Variants in EDDM13 observed in about 807,000 individuals in gnomAD.
EDDM13 encodes epididymal protein 13.
EDDM13 carries 24 observed loss-of-function variants against 17.8 expected under a neutral mutation model. The observed-to-expected ratio is 1.35, with a 90% CI of 0.98 to 1.90. EDDM13 has a LOEUF of 1.90. Among genes scored for constraint, EDDM13 ranks in the 40% most tolerant of loss-of-function variants. EDDM13 has a pLI of 0.00. For synonymous variants in EDDM13, 31 were observed against 37.5 expected (o/e 0.83, Z 0.63); for missense variants, 97 against 100.8 (o/e 0.96, Z 0.16).
chr19:56,301,029 G>A (rs904302252), intron 12 of EDDM13, among the ~76,000 whole-genome samples: 3 of 152,154 alleles, frequency 2.0e-5, no homozygotes, highest in African/African-American at 7.2e-5. Flanking sequence ...AGCAGAGCCT[G>A]AAGCCTGGGG....
At chr19:56,309,439 A>C (rs905972393) in intron 14 of EDDM13, among the ~76,000 whole-genome samples, 5 of 152,200 alleles carry the variant, frequency 3.3e-5, no homozygotes, top group Admixed American at 1.3e-4. Flanking sequence ...AAATGGTTAA[A>C]ATGGTGAATT....
At chr19:56,300,338 T>C (rs947845859) in intron 12 of EDDM13, among the ~76,000 whole-genome samples, 1 of 152,228 alleles carries the variant, frequency 6.6e-6, no homozygotes. Flanking sequence ...ACAGCTCTAT[T>C]TGCTGTACAT....
intron 14 of EDDM13, among the ~76,000 whole-genome samples, chr19:56,307,571 CT>C (rs1376065815): frequency 6.6e-6 from 1 of 152,144 alleles, no homozygotes. Context: ...TCTTACGTTA[CT>C]CTCTTTTACC....
chr19:56,281,155 T>G (rs2038667772), intron 2 of EDDM13, among the ~76,000 whole-genome samples: 1 of 152,166 alleles, frequency 6.6e-6, no homozygotes, highest in African/African-American at 2.4e-5. Flanking sequence ...GAAAATATGT[T>G]TACTCTTCAT....
intron 12 of EDDM13, among the ~76,000 whole-genome samples, chr19:56,300,208 C>T (rs766948060): frequency 1.1e-4 from 17 of 151,814 alleles, no homozygotes; most frequent in Non-Finnish European, 1.8e-4. Flanking sequence ...ACATGATATG[C>T]GAAGAGACTG....
chr19:56,288,032 T>G (rs952136428), intron 6 of EDDM13, among the ~76,000 whole-genome samples: 12 of 152,184 alleles, frequency 7.9e-5, no homozygotes, highest in Non-Finnish European at 1.5e-4. Context: ...ATGAGGAGAC[T>G]GAGGCACAAG....
intron 1 of EDDM13, among the ~76,000 whole-genome samples, chr19:56,274,113 A>G (rs530894226): frequency 6.6e-6 from 1 of 152,266 alleles, no homozygotes; most frequent in African/African-American, 2.4e-5. Context: ...TTATACATAC[A>G]TGTATTTGCA....
At chr19:56,280,912 A>C (rs2038645026) in intron 2 of EDDM13, among the ~76,000 whole-genome samples, 1 of 152,154 alleles carries the variant, frequency 6.6e-6, no homozygotes, top group Non-Finnish European at 1.5e-5. Context: ...TAACACATAC[A>C]CATTTGACCC....
chr19:56,281,965 C>G (rs751115365), intron 3 of EDDM13, among the ~76,000 whole-genome samples: 1 of 152,144 alleles, frequency 6.6e-6, no homozygotes, highest in African/African-American at 2.4e-5. Flanking sequence ...AGAAAGAGAA[C>G]CTGTGTGGTG....
At chr19:56,278,290 T>C (rs903075786) in intron 2 of EDDM13, among the ~76,000 whole-genome samples, 2 of 152,194 alleles carry the variant, frequency 1.3e-5, no homozygotes, top group Admixed American at 6.5e-5. Context: ...CATGCCACCA[T>C]GCCTGGCTAA....
At chr19:56,273,811 G>C (rs1406544340) in intron 1 of EDDM13, among the ~76,000 whole-genome samples, 2 of 152,156 alleles carry the variant, frequency 1.3e-5, no homozygotes, top group African/African-American at 4.8e-5. Context: ...TATCCTCAGG[G>C]AAAAGGAAGC....
intron 12 of EDDM13, among the ~76,000 whole-genome samples, chr19:56,298,765 T>C (rs2147231622): frequency 6.6e-6 from 1 of 152,298 alleles, no homozygotes; most frequent in Non-Finnish European, 1.5e-5. Flanking sequence ...GCTTTAATAG[T>C]GAATTAAAAG....
chr19:56,286,084 A>T (rs1440313839), intron 6 of EDDM13, among the ~76,000 whole-genome samples: 1 of 151,960 alleles, frequency 6.6e-6, no homozygotes, highest in East Asian at 1.9e-4. Flanking sequence ...TGCAGTGGTG[A>T]GATCTCAGCT....
At chr19:56,299,099 A>T (rs546972268) in intron 12 of EDDM13, among the ~76,000 whole-genome samples, 1 of 152,294 alleles carries the variant, frequency 6.6e-6, no homozygotes, top group South Asian at 2.1e-4. Flanking sequence ...ATTTCAGTAG[A>T]TACAGAAAAA....
intron 2 of EDDM13, among the ~76,000 whole-genome samples, chr19:56,278,724 T>C (rs772457124): frequency 2.4e-4 from 37 of 152,180 alleles, no homozygotes; most frequent in Non-Finnish European, 4.7e-4. Flanking sequence ...AGGAAGCTGA[T>C]GGATGGTCTA....
In EDDM13 at chr19:56,302,781, C is replaced by T. The variant is rs1319564058; in HGVS notation, c.423+686C>T. Reference sequence around the variant, plus strand: ...TGCACTAACACAGCCCCAGGGGCTCCTTTGAAATACTGTCACTCATTCTGC... The same window carrying T: ...TGCACTAACACAGCCCCAGGGGCTCTTTTGAAATACTGTCACTCATTCTGC... On this transcript the variant is annotated intron_variant, in intron 13 of 14. Coordinates refer to ENST00000649256, the MANE Select transcript of EDDM13 (RefSeq NM_001354658.2). 15 of 398,018 alleles carry T rather than the reference C, an allele frequency of 3.8e-5. No individual in the cohort carries two copies. In the South Asian group the frequency reaches 3.8e-4, roughly 10 times the overall value. The allele number at this position is 398,018 out of a possible 1,614,324, so 24.7% of individuals were successfully genotyped here.
At chr19:56,307,484 G>A (rs988011618) in intron 14 of EDDM13, among the ~76,000 whole-genome samples, 3 of 152,098 alleles carry the variant, frequency 2.0e-5, no homozygotes, top group Non-Finnish European at 4.4e-5. Flanking sequence ...TTTTCCTAAG[G>A]TTAACTGTGT....
chr19:56,283,488 A>G (rs1384370034), intron 4 of EDDM13: 2 of 152,184 alleles, frequency 1.3e-5, no homozygotes, highest in African/African-American at 4.8e-5. Flanking sequence ...TTCAATGCCC[A>G]CATCAATATT....
chr19:56,292,082 C>T (rs1328776559), intron 9 of EDDM13, among the ~76,000 whole-genome samples: 11 of 152,244 alleles, frequency 7.2e-5, no homozygotes, highest in Non-Finnish European at 1.3e-4. Context: ...TCCTGGGCTG[C>T]GTGACTCAGC....
Sources: gnomAD v4.1 joint callset for allele counts (sites outside exome capture counted in the v4.1 genomes callset) on GRCh38, gnomAD v4.1.1 for gene constraint, MANE v1.5 for transcripts, NCBI Gene and HGNC (gene_info 2026-07-23, HGNC 2026-07-21) for gene names.